MGAT4C: variants seen among roughly 807,000 people sequenced by gnomAD.
MGAT4C encodes the protein alpha-1,3-mannosyl-glycoprotein 4-beta-N-acetylglucosaminyltransferase C.
A neutral mutation model predicts 40.1 loss-of-function variants in MGAT4C; 19 were observed. That is an observed-to-expected ratio of 0.47 (90% confidence interval 0.33 to 0.70). The LOEUF is 0.70. Ranked by LOEUF, MGAT4C falls within the 30% of genes least tolerant of loss-of-function variation. The probability of loss-of-function intolerance (pLI) is 0.02; values close to 1 mark genes in which losing one functional copy is unlikely to be tolerated. For synonymous variants in MGAT4C, 181 were observed against 187.1 expected (o/e 0.97, Z 0.27); for missense variants, 491 against 563.2 (o/e 0.87, Z 1.30).
chr12:85,969,398 TG>T lies in MGAT4C; in HGVS notation c.*9890del, dbSNP rs1565792072. The T allele has an allele frequency of 6.6e-6, 1 of 151,658 alleles. No homozygotes were observed. Among genetic ancestry groups the T allele is most frequent in the East Asian group, 1.9e-4 (1 of 5,188 alleles). 9.4% of individuals were successfully genotyped at this position (151,658 alleles called of 1,614,324 possible). A position where few individuals can be genotyped will look rare whatever the true frequency, so the allele number is the denominator to read the frequency against. On this transcript the variant is annotated 3_prime_UTR_variant, in exon 5 of 5. Coordinates refer to ENST00000611864, the MANE Select transcript of MGAT4C (RefSeq NM_001351288.2). ...TGTCTAACTACCAGTTTGGTATGTTTGGGGCTGGTGTTATGAAAGACTATTA... is the reference window on the plus strand; with the variant it reads ...TGTCTAACTACCAGTTTGGTATGTTTGGGCTGGTGTTATGAAAGACTATTA...
intron 3 of MGAT4C, among the ~76,000 whole-genome samples, chr12:86,428,034 C>CAAA: frequency 6.8e-6 from 1 of 147,328 alleles, no homozygotes. Context: ...ACAACAGCAA[C>CAAA]AACAACAACA....
chr12:86,398,066 C>G (rs1184815770), intron 3 of MGAT4C, among the ~76,000 whole-genome samples: 1 of 152,160 alleles, frequency 6.6e-6, no homozygotes, highest in Non-Finnish European at 1.5e-5. Flanking sequence ...CAACAACAAA[C>G]AGTATTCGGT....
intron 2 of MGAT4C, among the ~76,000 whole-genome samples, chr12:86,688,081 T>C (rs1357776369): frequency 6.6e-6 from 1 of 151,818 alleles, no homozygotes; most frequent in African/African-American, 2.4e-5. Flanking sequence ...CCTTTACCAC[T>C]ATGTAATGCT....
chr12:86,315,517 A>G (rs1002050254), intron 4 of MGAT4C, among the ~76,000 whole-genome samples: 1 of 149,502 alleles, frequency 6.7e-6, no homozygotes, highest in Non-Finnish European at 1.5e-5. Flanking sequence ...CCTGGCTAAC[A>G]CGGTGAAACC....
intron 2 of MGAT4C, among the ~76,000 whole-genome samples, chr12:86,480,949 T>C (rs185712930): frequency 7.2e-5 from 11 of 152,012 alleles, no homozygotes; most frequent in African/African-American, 2.6e-4. Context: ...ACCCAGTCAC[T>C]TTGAAGTAAA....
At chr12:86,207,447 C>T (rs375126633) in intron 1 of MGAT4C, among the ~76,000 whole-genome samples, 5 of 151,918 alleles carry the variant, frequency 3.3e-5, no homozygotes, top group Non-Finnish European at 5.9e-5. Context: ...CCCTTTCCCT[C>T]GACCCCCCGA....
intron 1 of MGAT4C, among the ~76,000 whole-genome samples, chr12:86,168,722 C>G (rs1303180173): frequency 6.6e-6 from 1 of 152,048 alleles, no homozygotes; most frequent in Admixed American, 6.6e-5. Context: ...TATGTGTTTT[C>G]CACTGTTCCT....
At chr12:85,981,147 C>T (rs946072350) in intron 4 of MGAT4C, among the ~76,000 whole-genome samples, 3 of 152,050 alleles carry the variant, frequency 2.0e-5, no homozygotes, top group Admixed American at 2.0e-4. Flanking sequence ...TTTTGAAACA[C>T]ACTTTATAGT....
chr12:86,603,064 A>G (rs1336108849), intron 2 of MGAT4C, among the ~76,000 whole-genome samples: 1 of 151,668 alleles, frequency 6.6e-6, no homozygotes, highest in Non-Finnish European at 1.5e-5. Context: ...TAAACCAGTG[A>G]AATTCACAGA....
chr12:86,408,313 T>C (rs562890865), intron 3 of MGAT4C, among the ~76,000 whole-genome samples: 1 of 151,992 alleles, frequency 6.6e-6, no homozygotes, highest in South Asian at 2.1e-4. Flanking sequence ...AGCTATTTTC[T>C]GAGATGAATT....
At chr12:86,569,319 A>G (rs1321634534) in intron 2 of MGAT4C, among the ~76,000 whole-genome samples, 1 of 152,130 alleles carries the variant, frequency 6.6e-6, no homozygotes, top group African/African-American at 2.4e-5. Flanking sequence ...ATTTACAGGG[A>G]ATTTAACATC....
chr12:86,707,528 CTTTT>C (rs755566527), intron 2 of MGAT4C, among the ~76,000 whole-genome samples: 3 of 132,824 alleles, frequency 2.3e-5, no homozygotes, highest in Non-Finnish European at 1.6e-5. Flanking sequence ...TTTTTCTTTT[CTTTT>C]TTTTTTTTTT....
chr12:86,568,910 C>T (rs923990644), intron 2 of MGAT4C, among the ~76,000 whole-genome samples: 2 of 151,630 alleles, frequency 1.3e-5, no homozygotes, highest in Non-Finnish European at 2.9e-5. Flanking sequence ...AACTCCTCAG[C>T]TTATACAAAA....
chr12:86,190,859 T>C (rs1889318296), intron 1 of MGAT4C, among the ~76,000 whole-genome samples: 1 of 152,066 alleles, frequency 6.6e-6, no homozygotes, highest in Non-Finnish European at 1.5e-5. Context: ...TTGCCTCATC[T>C]AGTCAGTCAA....
intron 2 of MGAT4C, among the ~76,000 whole-genome samples, chr12:86,572,500 C>A (rs760698862): frequency 6.6e-6 from 1 of 152,086 alleles, no homozygotes; most frequent in Non-Finnish European, 1.5e-5. Context: ...TTGAAGGACA[C>A]ACTCTTTACT....
chr12:86,050,465 T>C (rs1892796548), intron 1 of MGAT4C, among the ~76,000 whole-genome samples: 1 of 152,100 alleles, frequency 6.6e-6, no homozygotes, highest in African/African-American at 2.4e-5. Context: ...CTTTTCCCAC[T>C]ATACATAAAC....
At chr12:86,409,910 C>T (rs1256146803) in intron 3 of MGAT4C, among the ~76,000 whole-genome samples, 1 of 152,158 alleles carries the variant, frequency 6.6e-6, no homozygotes, top group Non-Finnish European at 1.5e-5. Context: ...AGGAATTTTA[C>T]AGCTGGGCCT....
At chr12:86,806,172 T>C (rs1400013639) in intron 1 of MGAT4C, among the ~76,000 whole-genome samples, 2 of 151,970 alleles carry the variant, frequency 1.3e-5, no homozygotes, top group African/African-American at 4.8e-5. Context: ...ATATTCTCTA[T>C]ACTAATGCTT....
rs3047014 is a variant in MGAT4C, at chr12:86,250,330, TGAGAGAGAGAGAGAGAGA to T, written c.-57+5891_-57+5908del. On this transcript the variant is annotated intron_variant, in intron 1 of 4. Coordinates refer to ENST00000611864, the MANE Select transcript of MGAT4C (RefSeq NM_001351288.2). ...ACAAGCAACCTACACACACACACAC[TGAGAGAGAGAGAGAGAGA>T]GAGAGAGAGAGAGAGAGAGAGAGAT... 1.2e-4 allele frequency among the ~76,000 whole-genome samples: 17 copies of T among 142,928 alleles called. No homozygotes were observed. The East Asian group carries it at 2.3e-3, about 19-fold the overall frequency. The allele number at this position is 142,928 out of a possible 152,430, so 93.8% of individuals were successfully genotyped here. A position where few individuals can be genotyped will look rare whatever the true frequency, so the allele number is the denominator to read the frequency against.
Sources: gnomAD v4.1 joint callset for allele counts (sites outside exome capture counted in the v4.1 genomes callset) on GRCh38, gnomAD v4.1.1 for gene constraint, MANE v1.5 for transcripts, NCBI Gene and HGNC (gene_info 2026-07-23, HGNC 2026-07-21) for gene names.